The following KTN1 variants were observed in gnomAD, a reference collection of about 807,000 sequenced individuals.
KTN1 encodes kinectin 1, also known as kinectin.
KTN1 carries 130 observed loss-of-function variants against 222.5 expected under a neutral mutation model. That is an observed-to-expected ratio of 0.58 (90% confidence interval 0.51 to 0.68). KTN1 has a LOEUF of 0.68. Among genes scored for constraint, KTN1 ranks in the 30% least tolerant of loss-of-function variants. The pLI is 0.00. For missense variants in KTN1, 1,508 were observed against 1,500.4 expected, an observed-to-expected ratio of 1.01 and a Z score of -0.08; for synonymous variants, 512 against 496.3, an observed-to-expected ratio of 1.03 and a Z score of -0.42.
intron 12 of KTN1, among the ~76,000 whole-genome samples, chr14:55,638,863 G>A (rs566143880): frequency 9.0e-4 from 137 of 151,948 alleles, no homozygotes; most frequent in African/African-American, 3.0e-3. Flanking sequence ...TTACTAAGGA[G>A]AAGAAACACA....
intron 41 of KTN1, among the ~76,000 whole-genome samples, chr14:55,678,047 A>G (rs1388004023): frequency 2.0e-5 from 3 of 152,254 alleles, no homozygotes; most frequent in African/African-American, 4.8e-5. Flanking sequence ...ATTCTGTACA[A>G]AAACAGGCTT....
Position 55,619,646 on chromosome 14 carries a change from T to G in KTN1, c.963+334T>G, listed in dbSNP as rs149984912. ...GGAATGAGAATCAAGCGAAAGGGGT[T>G]TCCTCTTATAAAACCATCAGACCTT... On this transcript the variant is annotated intron_variant, in intron 5 of 43. Coordinates refer to ENST00000395314, the MANE Select transcript of KTN1 (RefSeq NM_001079521.2). 4.7e-3 allele frequency among the ~76,000 whole-genome samples: 717 copies of G among 152,148 alleles called. 2 individuals are homozygous for G. Among genetic ancestry groups the G allele is most frequent in the Non-Finnish European group, 7.7e-3 (523 of 68,016 alleles).
chr14:55,607,639 A>G (rs1475071344), intron 1 of KTN1, among the ~76,000 whole-genome samples: 4 of 152,212 alleles, frequency 2.6e-5, no homozygotes, highest in Non-Finnish European at 5.9e-5. Context: ...TTGACAGAGA[A>G]ATCCTATTTG....
At chr14:55,626,211 A>C (rs1027947704) in intron 5 of KTN1, among the ~76,000 whole-genome samples, 2 of 151,952 alleles carry the variant, frequency 1.3e-5, no homozygotes, top group East Asian at 1.9e-4. Context: ...TCTTTAACAA[A>C]AAAAAAAACC....
chr14:55,653,316 A>G (rs2043132782), intron 27 of KTN1, among the ~76,000 whole-genome samples: 1 of 152,178 alleles, frequency 6.6e-6, no homozygotes, highest in African/African-American at 2.4e-5. Context: ...CTACCTTTTC[A>G]AATAGACTCT....
At chr14:55,638,754 A>G (rs1041291681) in intron 12 of KTN1, among the ~76,000 whole-genome samples, 1 of 151,878 alleles carries the variant, frequency 6.6e-6, no homozygotes, top group African/African-American at 2.4e-5. Flanking sequence ...AGTTAAATAC[A>G]TAGAGAATGC....
At chr14:55,619,388 C>T in intron 5 of KTN1, 76 bp downstream of exon 5, 1 of 1,330,550 alleles carries the variant, frequency 7.5e-7, no homozygotes. Flanking sequence ...TTAGCCAGAG[C>T]AATTAATATC....
intron 1 of KTN1, among the ~76,000 whole-genome samples, chr14:55,594,111 T>G (rs1454570380): frequency 1.3e-5 from 2 of 152,212 alleles, no homozygotes; most frequent in Admixed American, 1.3e-4. Flanking sequence ...TGCAAAAGGT[T>G]GGTGCAAAAG....
At chr14:55,594,549 T>G (rs143617475) in intron 1 of KTN1, among the ~76,000 whole-genome samples, 16 of 151,720 alleles carry the variant, frequency 1.1e-4, no homozygotes, top group Non-Finnish European at 2.1e-4. Flanking sequence ...TCCATTGTTG[T>G]GTGAAATATT....
chr14:55,658,213 A>T (rs1241551353), intron 29 of KTN1, among the ~76,000 whole-genome samples: 1 of 152,140 alleles, frequency 6.6e-6, no homozygotes, highest in African/African-American at 2.4e-5. Flanking sequence ...AGTGCATAGG[A>T]TAAAACCCCC....
intron 5 of KTN1, among the ~76,000 whole-genome samples, chr14:55,625,008 T>C (rs939128184): frequency 1.3e-5 from 2 of 151,992 alleles, no homozygotes; most frequent in African/African-American, 4.8e-5. Flanking sequence ...GCTAGAAGGG[T>C]TGGAGCAGGG....
chr14:55,581,529 T>G (rs988562341), intron 1 of KTN1, among the ~76,000 whole-genome samples: 2 of 151,152 alleles, frequency 1.3e-5, no homozygotes, highest in African/African-American at 4.9e-5. Context: ...ACTGTTAAGG[T>G]GTGTGTGTGT....
Position 55,633,221 on chromosome 14 carries a change from TA to T in KTN1, c.1222-10del. On this transcript the variant is annotated splice_polypyrimidine_tract_variant and intron_variant, in intron 7 of 43. Coordinates refer to ENST00000395314, the MANE Select transcript of KTN1 (RefSeq NM_001079521.2). ...CTTTGTTTTCTAAGTTTTATGTGTG[TA>T]AAATAATTTTAGTTTCAGCAAGTTC... 1 of 1,520,540 alleles carries T rather than the reference TA, an allele frequency of 6.6e-7. No individual in the cohort carries two copies. The allele number at this position is 1,520,540 out of a possible 1,614,324, so 94.2% of individuals were successfully genotyped here. A position where few individuals can be genotyped will look rare whatever the true frequency, so the allele number is the denominator to read the frequency against.
intron 29 of KTN1, among the ~76,000 whole-genome samples, chr14:55,657,560 T>G (rs1206509873): frequency 6.6e-6 from 1 of 152,118 alleles, no homozygotes; most frequent in Non-Finnish European, 1.5e-5. Flanking sequence ...TGTACTCAAA[T>G]ATAAGTAATT....
At chr14:55,608,847 C>T (rs989415553) in intron 1 of KTN1, among the ~76,000 whole-genome samples, 3 of 151,982 alleles carry the variant, frequency 2.0e-5, no homozygotes, top group African/African-American at 4.8e-5. Context: ...TCAGACTGCT[C>T]TCGAATTCCT....
At chr14:55,627,792 A>G in intron 5 of KTN1, 120 bp from the exon 6 acceptor site, 4 of 624,854 alleles carry the variant, frequency 6.4e-6, no homozygotes, top group Non-Finnish European at 1.2e-5. Context: ...AAGGACATGA[A>G]CTCATTCTTT....
At chr14:55,589,659 T>TC (rs1479988383) in intron 1 of KTN1, among the ~76,000 whole-genome samples, 53 of 138,762 alleles carry the variant, frequency 3.8e-4, no homozygotes, top group Non-Finnish European at 6.5e-4. Context: ...CTGATTTCTT[T>TC]TTTTTTTTTT....
chr14:55,613,416 G>C (rs2037882545), intron 2 of KTN1, among the ~76,000 whole-genome samples: 1 of 151,616 alleles, frequency 6.6e-6, no homozygotes, highest in South Asian at 2.1e-4. Context: ...ACTGTAAACA[G>C]TTTGTTTTAT....
Position 55,684,532 on chromosome 14 carries a change from C to T in KTN1, c.*429C>T, listed in dbSNP as rs531436489. ...AACACTTTTTTGTTGCTAATGTAAT[C>T]GGTTTTTGTAATGGCGTCAGCAAAT... On this transcript the variant is annotated 3_prime_UTR_variant, in exon 44 of 44. Transcript: ENST00000395314. 24 of 201,162 alleles carry T rather than the reference C, an allele frequency of 1.2e-4. No homozygotes were observed. Among genetic ancestry groups the T allele is most frequent in the Admixed American group, 6.0e-4 (10 of 16,568 alleles). 12.5% of individuals were successfully genotyped at this position (201,162 alleles called of 1,614,324 possible). A position where few individuals can be genotyped will look rare whatever the true frequency, so the allele number is the denominator to read the frequency against.
Sources: gnomAD v4.1 joint callset for allele counts (sites outside exome capture counted in the v4.1 genomes callset) on GRCh38, gnomAD v4.1.1 for gene constraint, MANE v1.5 for transcripts, NCBI Gene and HGNC (gene_info 2026-07-23, HGNC 2026-07-21) for gene names.